Variants in FAM222A observed in about 807,000 individuals in gnomAD.
FAM222A encodes the protein family with sequence similarity 222 member A, also known as protein FAM222A.
Under a neutral mutation model 25.8 loss-of-function variants are expected in FAM222A, and 7 were observed. The ratio of observed to expected loss-of-function variants is 0.27; its 90% CI spans 0.15 to 0.51. The LOEUF is 0.51. Ranked by LOEUF, FAM222A falls within the 20% of genes least tolerant of loss-of-function variation. The pLI, the probability that FAM222A is intolerant of heterozygous loss-of-function variation, is 0.97. For synonymous variants in FAM222A, 294 were observed against 298.8 expected, an observed-to-expected ratio of 0.98 and a Z score of 0.17; for missense variants, 573 against 640.5, an observed-to-expected ratio of 0.89 and a Z score of 1.14.
In FAM222A at chr12:109,769,617, T is replaced by A; in HGVS notation, c.*329T>A. On this transcript the variant is annotated 3_prime_UTR_variant, in exon 3 of 3. Coordinates refer to ENST00000538780, the MANE Select transcript of FAM222A (RefSeq NM_032829.3). ...AAACAGGAATGGTTCTTTCTGGGCCTCCTGGGACAGGGGCCCAGGCCAAGG... is the reference window on the plus strand; with the variant it reads ...AAACAGGAATGGTTCTTTCTGGGCCACCTGGGACAGGGGCCCAGGCCAAGG... 2.9e-6 allele frequency: 1 copy of A among 340,232 alleles called. No homozygotes were observed. The highest frequency in any genetic ancestry group is 5.4e-6 in the Non-Finnish European group (1 of 184,508). 21.1% of individuals were successfully genotyped at this position (340,232 alleles called of 1,614,324 possible). A position where few individuals can be genotyped will look rare whatever the true frequency, so the allele number is the denominator to read the frequency against.
intron 1 of FAM222A, among the ~76,000 whole-genome samples, chr12:109,717,436 C>T (rs536402699): frequency 6.6e-6 from 1 of 152,292 alleles, no homozygotes; most frequent in East Asian, 1.9e-4. Flanking sequence ...AGATGAGGTT[C>T]CTGACCCAGC....
intron 1 of FAM222A, among the ~76,000 whole-genome samples, chr12:109,727,790 G>C (rs1887870659): frequency 6.6e-6 from 1 of 152,164 alleles, no homozygotes; most frequent in Non-Finnish European, 1.5e-5. Flanking sequence ...GAAGAGCAGA[G>C]ATAGGTGCTG....
chr12:109,768,571 C>T lies in FAM222A; in HGVS notation c.642C>T (p.Gly214=), dbSNP rs36083947. Residue 214 remains glycine (G), a synonymous_variant, in exon 3 of 3, where the codon GGC becomes GGT. Transcript: ENST00000538780. ...TCAACCAGCAGTGCCAGGCCCCGGG[C>T]GCCGCACCCCCTGCCTGCCAGGGCA... ...YQLNQQCQAP[G]AAPPACQGMA... 9.3e-4 allele frequency: 1,490 copies of T among 1,601,458 alleles called. 4 individuals are homozygous for T. The highest frequency in any genetic ancestry group is 7.8e-4 in the Non-Finnish European group (912 of 1,175,570).
chr12:109,727,322 G>C (rs1004466516), intron 1 of FAM222A, among the ~76,000 whole-genome samples: 3 of 152,130 alleles, frequency 2.0e-5, no homozygotes, highest in African/African-American at 7.2e-5. Context: ...CCTCTCGGAG[G>C]GGGAGGGGGT....
intron 1 of FAM222A, among the ~76,000 whole-genome samples, chr12:109,736,548 C>A (rs1193511102): frequency 2.6e-5 from 4 of 152,138 alleles, no homozygotes; most frequent in Admixed American, 2.0e-4. Flanking sequence ...CATGACCCCC[C>A]CAGGCCAGGT....
At chr12:109,717,461 G>T (rs954871676) in intron 1 of FAM222A, among the ~76,000 whole-genome samples, 1 of 152,210 alleles carries the variant, frequency 6.6e-6, no homozygotes, top group African/African-American at 2.4e-5. Context: ...GGGTCAAAAA[G>T]CCCTAGAGGA....
intron 1 of FAM222A, among the ~76,000 whole-genome samples, chr12:109,715,224 G>A (rs548675383): frequency 1.3e-5 from 2 of 152,176 alleles, no homozygotes; most frequent in Non-Finnish European, 2.9e-5. Flanking sequence ...GAAGGGCTGG[G>A]GGGTGGGGGG....
Position 109,769,512 on chromosome 12 carries a change from T to A in FAM222A, c.*224T>A. The A allele has an allele frequency of 1.7e-6, 1 of 583,924 alleles. No homozygotes were observed. The highest frequency in any genetic ancestry group is 3.0e-6 in the Non-Finnish European group (1 of 334,210). 36.2% of individuals were successfully genotyped at this position (583,924 alleles called of 1,614,324 possible). ...CACCATCGGTTGCCCCAGGACACAG[T>A]GAGGGCCTGGGGGCAGCCACTGACG... On this transcript the variant is annotated 3_prime_UTR_variant, in exon 3 of 3. Coordinates refer to ENST00000538780, the MANE Select transcript of FAM222A (RefSeq NM_032829.3).
At chr12:109,727,868 T>A (rs1887872015) in intron 1 of FAM222A, among the ~76,000 whole-genome samples, 1 of 152,124 alleles carries the variant, frequency 6.6e-6, no homozygotes, top group Non-Finnish European at 1.5e-5. Context: ...AGTCTTCAGG[T>A]GTCTCTGTTC....
chr12:109,769,238 C>A lies in FAM222A; in HGVS notation c.1309C>A (p.Arg437=). 1 of 1,611,588 alleles carries A rather than the reference C, an allele frequency of 6.2e-7. No homozygotes were observed. The highest frequency in any genetic ancestry group is 1.7e-5 in the Admixed American group (1 of 59,912). ...GKGYETVAVP[R]LLDHQHAHIR... ...GGGCTATGAGACGGTGGCCGTGCCC[C>A]GGCTACTCGACCACCAGCATGCCCA... The change falls in exon 3 of 3, where the codon CGG becomes AGG. Residue 437 remains arginine (R), a synonymous_variant. Coordinates refer to ENST00000538780, the MANE Select transcript of FAM222A (RefSeq NM_032829.3).
At chr12:109,749,550 G>A (rs773976415) in intron 2 of FAM222A, among the ~76,000 whole-genome samples, 4 of 151,956 alleles carry the variant, frequency 2.6e-5, no homozygotes, top group South Asian at 2.1e-4. Context: ...TTTTTTATGG[G>A]GACTTAAAAA....
chr12:109,717,016 C>T (rs1275771653), intron 1 of FAM222A, among the ~76,000 whole-genome samples: 4 of 152,306 alleles, frequency 2.6e-5, no homozygotes, highest in African/African-American at 9.6e-5. Context: ...CCTGAATTGC[C>T]CTCCTGGCTC....
At position 109,768,981 on chromosome 12, in the gene FAM222A, G is replaced by T. The variant is rs748301830; in HGVS notation, c.1052G>T (p.Ser351Ile). The stretch of plus-strand genomic sequence containing the variant: ...CAGTACTTTGCGGCCCCGTGGAACA[G>T]TGTGCTGGTGACACCCACCAGCGAC... ...VGQYFAAPWN[S>I]VLVTPTSDCY... The change falls in exon 3 of 3, where the codon AGT becomes ATT. Residue 351 changes from serine to isoleucine, a missense_variant. Transcript: ENST00000538780. 2.5e-6 allele frequency: 4 copies of T among 1,573,066 alleles called. No individual in the cohort carries two copies. The highest frequency in any genetic ancestry group is 2.6e-6 in the Non-Finnish European group (3 of 1,163,404).
chr12:109,725,925 A>G (rs1451261742), intron 1 of FAM222A, among the ~76,000 whole-genome samples: 1 of 151,904 alleles, frequency 6.6e-6, no homozygotes, highest in Admixed American at 6.6e-5. Context: ...GCGCCGGCTT[A>G]ATTACTTGGT....
In FAM222A at chr12:109,744,239, C is replaced by T. The variant is rs753888352; in HGVS notation, c.82+11C>T. ...TGGAGCTGCGCAAGTGTGAGTAGGACGCCTCCCCAGCCTTTGCAGGGCAGG... is the reference window on the plus strand; with the variant it reads ...TGGAGCTGCGCAAGTGTGAGTAGGATGCCTCCCCAGCCTTTGCAGGGCAGG... On this transcript the variant is annotated intron_variant, in intron 2 of 2. Transcript: ENST00000538780. The T allele has an allele frequency of 8.7e-6, 14 of 1,610,812 alleles. No individual in the cohort carries two copies. The highest frequency in any genetic ancestry group is 3.3e-5 in the Admixed American group (2 of 59,840).
chr12:109,761,051 C>G (rs1376233501), intron 2 of FAM222A, among the ~76,000 whole-genome samples: 1 of 152,230 alleles, frequency 6.6e-6, no homozygotes, highest in Non-Finnish European at 1.5e-5. Context: ...TAACACCTCT[C>G]ACAGAACCTC....
At chr12:109,765,728 A>G (rs1442305094) in intron 2 of FAM222A, among the ~76,000 whole-genome samples, 2 of 152,202 alleles carry the variant, frequency 1.3e-5, no homozygotes, top group African/African-American at 4.8e-5. Flanking sequence ...GGACATGGCC[A>G]GCAGCCTTCT....
chr12:109,728,420 G>A (rs16940512), intron 1 of FAM222A, among the ~76,000 whole-genome samples: 16,288 of 152,188 alleles, frequency 0.11, 1,801 homozygotes, highest in East Asian at 0.42. Flanking sequence ...ACTTTGCCTC[G>A]TCTGTAGAAG....
At chr12:109,740,157 G>T (rs1392602018) in intron 1 of FAM222A, among the ~76,000 whole-genome samples, 1 of 152,122 alleles carries the variant, frequency 6.6e-6, no homozygotes, top group Admixed American at 6.6e-5. Context: ...TTCCTCCTCG[G>T]ACCTGAAAAG....
Sources: allele counts gnomAD v4.1 joint callset (sites outside exome capture counted in the v4.1 genomes callset), GRCh38; gene constraint gnomAD v4.1.1; transcripts MANE v1.5; gene names NCBI Gene and HGNC (gene_info 2026-07-23, HGNC 2026-07-21).